The following WNT16 variants were observed in gnomAD, a reference collection of about 807,000 sequenced individuals.
WNT16 encodes Wnt family member 16.
A neutral mutation model predicts 35.4 loss-of-function variants in WNT16; 20 were observed. The ratio of observed to expected loss-of-function variants is 0.56; its 90% confidence interval spans 0.40 to 0.82. The LOEUF (loss-of-function observed/expected upper bound fraction) is 0.82, where lower values mean the gene tolerates loss of function less well. Among genes scored for constraint, WNT16 ranks in the 40% least tolerant of loss-of-function variants. The pLI is 0.00. For missense variants in WNT16, 461 were observed against 466.0 expected (o/e 0.99, Z 0.10); for synonymous variants, 180 against 179.2 (o/e 1.00, Z -0.03).
upstream of WNT16, among the ~76,000 whole-genome samples, chr7:121,325,786 A>G (rs369583133): frequency 6.6e-6 from 1 of 152,202 alleles, no homozygotes; most frequent in African/African-American, 2.4e-5. Context: ...CATGCCTATA[A>G]TCCCAGCAGT....
intron 2 of WNT16, 127 bp downstream of exon 2, chr7:121,329,944 G>A: frequency 7.2e-7 from 1 of 1,395,348 alleles, no homozygotes; most frequent in Non-Finnish European, 9.5e-7. Flanking sequence ...AAGCCCTTTA[G>A]TGCACGGGGA....
rs1298311806 is a variant in WNT16 at position 121,338,907 on chromosome 7, C to G, written c.660C>G (p.Asp220Glu). Residue 220 changes from aspartate (D) to glutamate (E), a missense_variant, in exon 4 of 4, where the codon GAC (aspartate) becomes GAG (glutamate). Transcript: ENST00000222462. Reference protein sequence around the residue: ...RQAVAKLMSVDCRCHGVSGSC... With the variant: ...RQAVAKLMSVECRCHGVSGSC... The stretch of plus-strand genomic sequence containing the variant: ...CTGTCGCCAAGTTGATGTCAGTAGA[C>G]TGCCGCTGCCACGGAGTTTCCGGCT... 8.7e-6 allele frequency: 14 copies of G among 1,613,714 alleles called. No individual in the cohort carries two copies. The highest frequency in any genetic ancestry group is 3.3e-5 in the South Asian group (3 of 91,066).
chr7:121,334,554 T>C (rs1399090342), intron 3 of WNT16, among the ~76,000 whole-genome samples: 2 of 152,270 alleles, frequency 1.3e-5, no homozygotes, highest in Non-Finnish European at 2.9e-5. Context: ...CTGTATTCAA[T>C]TGAGTTGATT....
upstream of WNT16, among the ~76,000 whole-genome samples, chr7:121,326,794 T>A (rs1433836977): frequency 6.6e-6 from 1 of 152,164 alleles, no homozygotes; most frequent in Non-Finnish European, 1.5e-5. Flanking sequence ...TTTGATTTTT[T>A]AAAAAATCAA....
At chr7:121,335,986 TTGTGTGTG>T (rs36224614) in intron 3 of WNT16, among the ~76,000 whole-genome samples, 1,627 of 140,284 alleles carry the variant, frequency 0.012, 13 homozygotes, top group African/African-American at 0.022. Context: ...GAATTAAACT[TTGTGTGTG>T]TGTGTGTGTG....
In WNT16 at chr7:121,339,336, T is replaced by C; in HGVS notation, c.1089T>C (p.Thr363=). 1 of 1,611,514 alleles carries C rather than the reference T, an allele frequency of 6.2e-7. No individual in the cohort carries two copies. Among genetic ancestry groups the C allele is most frequent in the Non-Finnish European group, 8.5e-7 (1 of 1,179,198 alleles). The change falls in exon 4 of 4, where the codon ACT becomes ACC. Residue 363 remains threonine (T), a synonymous_variant. Transcript: ENST00000222462. ...GTGAAAGCATGACTGATGTCCACACTTGCAAGTAACCACTCCATCCAGCCT... is the reference window on the plus strand; with the variant it reads ...GTGAAAGCATGACTGATGTCCACACCTGCAAGTAACCACTCCATCCAGCCT... ...RRCESMTDVH[T]CK
intron 3 of WNT16, among the ~76,000 whole-genome samples, chr7:121,334,644 G>T (rs1793408563): frequency 6.6e-6 from 1 of 152,066 alleles, no homozygotes; most frequent in Admixed American, 6.5e-5. Context: ...GTAGTACTGT[G>T]AGCAGGATAG....
chr7:121,330,079 T>TG (rs1265096129), intron 2 of WNT16, among the ~76,000 whole-genome samples: 1 of 152,084 alleles, frequency 6.6e-6, no homozygotes, highest in Non-Finnish European at 1.5e-5. Context: ...CCGCCAGAGT[T>TG]GGAAAAAAAA....
chr7:121,340,862 A>G lies in WNT16; in HGVS notation c.*1517A>G, dbSNP rs1793521121. On this transcript the variant is annotated 3_prime_UTR_variant, in exon 4 of 4. Transcript: ENST00000222462. ...TTTAATGTAAATGCTTATGTTTTTT[A>G]TGAATTGTTAAATATTTCAGTATTA... The G allele has an allele frequency of 6.6e-6, 1 of 152,064 alleles. No homozygotes were observed. The allele number at this position is 152,064 out of a possible 1,614,324, so 9.4% of individuals were successfully genotyped here. A position where few individuals can be genotyped will look rare whatever the true frequency, so the allele number is the denominator to read the frequency against.
rs1251605315 is a variant in WNT16 at position 121,333,368 on chromosome 7, T to C, written c.633+1404T>C. Reference sequence around the variant, plus strand: ...ATCACTGTAACACTTCAAATTCAAATTTTAATTTTAATTCAATTTAAATAT... The same window carrying C: ...ATCACTGTAACACTTCAAATTCAAACTTTAATTTTAATTCAATTTAAATAT... On this transcript the variant is annotated intron_variant, in intron 3 of 3. Transcript: ENST00000222462. Among the ~76,000 whole-genome samples, 5 of 151,968 alleles carry C rather than the reference T, an allele frequency of 3.3e-5. No homozygotes were observed. The East Asian group carries it at 7.7e-4, about 23-fold the overall frequency.
rs1381772722 is a variant in WNT16 at position 121,340,964 on chromosome 7, T to C, written c.*1619T>C. On this transcript the variant is annotated 3_prime_UTR_variant, in exon 4 of 4. Coordinates refer to ENST00000222462, the MANE Select transcript of WNT16 (RefSeq NM_057168.2). ...TTTTCTTATTAATAAGATAAAGAAA[T>C]GTTTCCCTGCCCCACAGTCTTCATT... 6.6e-6 allele frequency: 1 copy of C among 152,142 alleles called. No individual in the cohort carries two copies. The highest frequency in any genetic ancestry group is 1.5e-5 in the Non-Finnish European group (1 of 68,010). The allele number at this position is 152,142 out of a possible 1,614,324, so 9.4% of individuals were successfully genotyped here.
At chr7:121,330,714 GAAAAAAAAAAAA>G (rs11371537) in intron 2 of WNT16, among the ~76,000 whole-genome samples, 13 of 88,196 alleles carry the variant, frequency 1.5e-4, no homozygotes, top group African/African-American at 4.2e-4. Context: ...CCCGTAGAGA[GAAAAAAAAAAAA>G]AAAAAAAAAA....
intron 3 of WNT16, among the ~76,000 whole-genome samples, chr7:121,336,638 A>G (rs1245407492): frequency 6.6e-6 from 1 of 152,192 alleles, no homozygotes; most frequent in African/African-American, 2.4e-5. Flanking sequence ...ACCTCTTAGC[A>G]GTGACATGTG....
At chr7:121,328,768 C>G (rs924714443), upstream of WNT16, among the ~76,000 whole-genome samples, 3 of 152,192 alleles carry the variant, frequency 2.0e-5, no homozygotes, top group African/African-American at 7.2e-5. Context: ...CACAACGACC[C>G]GTTCTAAGGA....
At chr7:121,335,177 C>T (rs1342569616) in intron 3 of WNT16, among the ~76,000 whole-genome samples, 3 of 152,064 alleles carry the variant, frequency 2.0e-5, no homozygotes, top group South Asian at 2.1e-4. Context: ...AAACGTTCCA[C>T]AACAATTTTC....
chr7:121,326,197 A>G (rs2116827568), upstream of WNT16, among the ~76,000 whole-genome samples: 1 of 152,330 alleles, frequency 6.6e-6, no homozygotes, highest in African/African-American at 2.4e-5. Flanking sequence ...AGACAGAGAC[A>G]GAGAGACAAA....
Position 121,329,285 on chromosome 7 carries a change from C to T in WNT16, c.-8C>T, listed in dbSNP as rs750499989. 1.3e-6 allele frequency: 2 copies of T among 1,555,484 alleles called. No homozygotes were observed. The highest frequency in any genetic ancestry group is 1.7e-6 in the Non-Finnish European group (2 of 1,150,454). ...AGCGGCTGGGCTGGGGGACTCCATG[C>T]GGGGGCGATGGACAGGGCGGCGCTC... On this transcript the variant is annotated 5_prime_UTR_variant, in exon 1 of 4. Transcript: ENST00000222462.
upstream of WNT16, among the ~76,000 whole-genome samples, chr7:121,327,542 G>T (rs571620982): frequency 7.2e-5 from 11 of 152,022 alleles, no homozygotes; most frequent in African/African-American, 2.7e-4. Flanking sequence ...CAGGGACAGG[G>T]TTTCACCATG....
chr7:121,331,136 C>A (rs1041425201), intron 2 of WNT16, among the ~76,000 whole-genome samples: 1 of 152,138 alleles, frequency 6.6e-6, no homozygotes, highest in African/African-American at 2.4e-5. Flanking sequence ...TGAAAATATA[C>A]GGTACCGTTT....
Sources: gnomAD v4.1 joint callset for allele counts (sites outside exome capture counted in the v4.1 genomes callset) on GRCh38, gnomAD v4.1.1 for gene constraint, MANE v1.5 for transcripts, NCBI Gene and HGNC (gene_info 2026-07-23, HGNC 2026-07-21) for gene names.